The following PTPRG variants were observed in gnomAD, a reference collection of about 807,000 sequenced individuals.
PTPRG encodes receptor-type tyrosine-protein phosphatase gamma.
In PTPRG, 102 loss-of-function variants were observed where a neutral mutation model predicts 165.3. The observed-to-expected ratio is 0.62, with a 90% CI of 0.53 to 0.73. The LOEUF (loss-of-function observed/expected upper bound fraction) is 0.73. PTPRG is among the 30% of genes least tolerant of loss of function. PTPRG has a pLI of 0.00. For synonymous variants in PTPRG, 675 were observed against 669.5 expected (o/e 1.01, Z -0.13); for missense variants, 1,866 against 1,861.4 (o/e 1.00, Z -0.05).
chr3:61,727,762 G>A (rs1425734887), intron 1 of PTPRG, among the ~76,000 whole-genome samples: 2 of 152,184 alleles, frequency 1.3e-5, no homozygotes, highest in Admixed American at 6.5e-5. Flanking sequence ...TCAAACAATG[G>A]TATGTTCTAG....
At chr3:61,975,801 T>C (rs2040489001) in intron 2 of PTPRG, among the ~76,000 whole-genome samples, 1 of 152,212 alleles carries the variant, frequency 6.6e-6, no homozygotes, top group South Asian at 2.1e-4. Flanking sequence ...CTGTGGTCTG[T>C]AAAGATTTTC....
At chr3:62,014,539 T>C (rs1259614999) in intron 4 of PTPRG, among the ~76,000 whole-genome samples, 1 of 152,168 alleles carries the variant, frequency 6.6e-6, no homozygotes, top group Non-Finnish European at 1.5e-5. Context: ...CTCCTGAATC[T>C]CCCTATTAAA....
chr3:61,897,465 A>G (rs532982968), intron 2 of PTPRG, among the ~76,000 whole-genome samples: 3 of 152,240 alleles, frequency 2.0e-5, no homozygotes, highest in Non-Finnish European at 2.9e-5. Context: ...CTCTCCACCA[A>G]TATCACACTG....
intron 1 of PTPRG, among the ~76,000 whole-genome samples, chr3:61,721,757 G>A (rs143243954): frequency 1.1e-4 from 17 of 151,856 alleles, no homozygotes; most frequent in Admixed American, 9.8e-4. Flanking sequence ...GGATGCTCTC[G>A]GTTCAAGTAA....
intron 1 of PTPRG, among the ~76,000 whole-genome samples, chr3:61,596,562 G>GT (rs1353436486): frequency 6.6e-6 from 1 of 152,062 alleles, no homozygotes; most frequent in Non-Finnish European, 1.5e-5. Flanking sequence ...CAAGCTATTT[G>GT]TTTTTTATCT....
At chr3:61,665,108 T>C (rs1187146055) in intron 1 of PTPRG, among the ~76,000 whole-genome samples, 1 of 152,178 alleles carries the variant, frequency 6.6e-6, no homozygotes, top group Admixed American at 6.5e-5. Flanking sequence ...TGGGCTGTGA[T>C]TCAAGGTGAA....
At chr3:61,758,673 G>A (rs948512819) in intron 2 of PTPRG, among the ~76,000 whole-genome samples, 4 of 151,938 alleles carry the variant, frequency 2.6e-5, no homozygotes, top group Middle Eastern at 3.2e-3. Flanking sequence ...GGCTGGTCTC[G>A]AACTCCCGAC....
In PTPRG at chr3:61,835,140, G is replaced by A. The variant is rs115351092; in HGVS notation, c.190+86158G>A. On this transcript the variant is annotated intron_variant, in intron 2 of 29. Coordinates refer to ENST00000474889, the MANE Select transcript of PTPRG (RefSeq NM_002841.4). ...CTTGTATTGAGAATTATGCTGTCCA[G>A]TTTGGTAGTTTCCAGGTGTCTCATT... 3.6e-3 allele frequency among the ~76,000 whole-genome samples: 555 copies of A among 152,302 alleles called. 3 individuals carry two copies. The highest frequency in any genetic ancestry group is 0.012 in the African/African-American group (512 of 41,566).
chr3:61,594,878 A>G (rs1700657414), intron 1 of PTPRG, among the ~76,000 whole-genome samples: 1 of 152,220 alleles, frequency 6.6e-6, no homozygotes, highest in South Asian at 2.1e-4. Flanking sequence ...ACGATGTTAC[A>G]ATAAAATTGG....
rs954673707 is a variant in PTPRG at position 62,240,043 on chromosome 3, A to T, written c.2376-3764A>T. Among the ~76,000 whole-genome samples the T allele has an allele frequency of 2.0e-5, 3 of 152,142 alleles. No homozygotes were observed. The highest frequency in any genetic ancestry group is 2.9e-5 in the Non-Finnish European group (2 of 68,030). ...TGGCCCAGAGTAGACCCCCCAATAG[A>T]TAGTTATTAAAGGAATAAATTAAAT... On this transcript the variant is annotated intron_variant, in intron 14 of 29. Coordinates refer to ENST00000474889, the MANE Select transcript of PTPRG (RefSeq NM_002841.4). This position sits in a 1 kb window ranked among gnomAD's most constrained non-coding sequence, Gnocchi z 5.1.
intron 1 of PTPRG, among the ~76,000 whole-genome samples, chr3:61,657,989 T>G (rs1702554476): frequency 6.6e-6 from 1 of 152,082 alleles, no homozygotes; most frequent in Non-Finnish European, 1.5e-5. Flanking sequence ...GTGGTTATGG[T>G]GCTTCCCTAC....
In PTPRG at chr3:62,228,646, A is replaced by C; in HGVS notation, c.2289-2579A>C. Among the ~76,000 whole-genome samples the C allele has an allele frequency of 6.6e-6, 1 of 152,238 alleles. No individual in the cohort carries two copies. Among genetic ancestry groups the C allele is most frequent in the East Asian group, 1.9e-4 (1 of 5,196 alleles). ...ATTATTTCTTAGGGCAAACTCTGCC[A>C]AACTGCCCTTCCTTTATGCAAAGCA... On this transcript the variant is annotated intron_variant, in intron 13 of 29. Coordinates refer to ENST00000474889, the MANE Select transcript of PTPRG (RefSeq NM_002841.4). The surrounding 1 kb of genome is among the most constrained non-coding windows in gnomAD (Gnocchi z 4.1).
intron 8 of PTPRG, among the ~76,000 whole-genome samples, chr3:62,173,187 G>C (rs1027625736): frequency 7.2e-5 from 11 of 152,056 alleles, no homozygotes; most frequent in African/African-American, 2.7e-4. Context: ...CATGTAAATA[G>C]TTGTTATACT....
At chr3:61,999,530 T>A (rs1324370035) in intron 3 of PTPRG, among the ~76,000 whole-genome samples, 1 of 152,250 alleles carries the variant, frequency 6.6e-6, no homozygotes, top group African/African-American at 2.4e-5. Context: ...TGTCTTTAGC[T>A]GTTAGCTTGG....
chr3:62,061,138 A>G (rs765322025), intron 4 of PTPRG, among the ~76,000 whole-genome samples: 1 of 152,194 alleles, frequency 6.6e-6, no homozygotes, highest in Non-Finnish European at 1.5e-5. Context: ...GATTTAAAAT[A>G]CCTTCTTTGA....
intron 1 of PTPRG, among the ~76,000 whole-genome samples, chr3:61,617,014 G>A (rs75328640): frequency 0.03 from 4,620 of 152,290 alleles, 238 homozygotes; most frequent in African/African-American, 0.11. Flanking sequence ...TGGAGTTTTG[G>A]TAAAAGGATT....
chr3:61,764,686 C>T lies in PTPRG; in HGVS notation c.190+15704C>T, dbSNP rs139120427. On this transcript the variant is annotated intron_variant, in intron 2 of 29. Coordinates refer to ENST00000474889, the MANE Select transcript of PTPRG (RefSeq NM_002841.4). ...TAGAGGGAAGCGGGGGAGATAATAGCACTTGGAAAGGTTCAATGTTATACC... is the reference window on the plus strand; with the variant it reads ...TAGAGGGAAGCGGGGGAGATAATAGTACTTGGAAAGGTTCAATGTTATACC... Among the ~76,000 whole-genome samples, 64 of 152,200 alleles carry T rather than the reference C, an allele frequency of 4.2e-4. No homozygotes were observed. The East Asian group carries it at 0.012, about 29-fold the overall frequency.
In PTPRG at chr3:61,748,965, C is replaced by G. The variant is rs376043244; in HGVS notation, c.173C>G (p.Pro58Arg). The stretch of plus-strand genomic sequence containing the variant: ...CGCAGGCGCAAGGCTTCAGGCGACC[C>G]GTACTGGGCCTACTCTGGTAAGTCC... ...QIRRRKASGDPYWAYSGAYGP... is the reference protein window; with the variant it reads ...QIRRRKASGDRYWAYSGAYGP... The change falls in exon 2 of 30, where the codon CCG becomes CGG. Residue 58 changes from proline to arginine, a missense_variant. Around this residue, in one of 3 missense-constraint regions of PTPRG, gnomAD observed 408 missense variants for 376.2 expected, o/e 1.08. Transcript: ENST00000474889. 6.2e-7 allele frequency: 1 copy of G among 1,610,754 alleles called. No individual in the cohort carries two copies.
At chr3:62,081,277 C>T (rs147991711) in intron 5 of PTPRG, among the ~76,000 whole-genome samples, 23,454 of 143,394 alleles carry the variant, frequency 0.16, 2,506 homozygotes, top group South Asian at 0.26. Context: ...AACAAACAAA[C>T]AAACAAACAA....
Sources: gnomAD v4.1 joint callset for allele counts (sites outside exome capture counted in the v4.1 genomes callset) on GRCh38, gnomAD v4.1.1 for gene constraint, gnomAD v4.1.1 regional missense constraint, Gnocchi (gnomAD v3.1) non-coding constraint, MANE v1.5 for transcripts, NCBI Gene and HGNC (gene_info 2026-07-23, HGNC 2026-07-21) for gene names.